GABRB1: variants seen among roughly 807,000 people sequenced by gnomAD.
GABRB1 encodes the protein gamma-aminobutyric acid receptor subunit beta-1.
A neutral mutation model predicts 51.6 loss-of-function variants in GABRB1; 17 were observed. The observed-to-expected ratio is 0.33, with a 90% CI of 0.23 to 0.49. The LOEUF is 0.49. Ranked by LOEUF, GABRB1 falls within the 20% of genes least tolerant of loss-of-function variation. The probability of loss-of-function intolerance (pLI) is 0.99; values close to 1 mark genes in which losing one functional copy is unlikely to be tolerated. For synonymous variants in GABRB1, 247 were observed against 218.9 expected, an observed-to-expected ratio of 1.13 and a Z score of -1.14; for missense variants, 410 against 600.6, an observed-to-expected ratio of 0.68 and a Z score of 3.32.
chr4:47,176,112 C>A (rs531648177), intron 4 of GABRB1, among the ~76,000 whole-genome samples: 2 of 151,936 alleles, frequency 1.3e-5, no homozygotes, highest in Non-Finnish European at 2.9e-5. Flanking sequence ...TTCTTTTGTG[C>A]CTCTTCAATA....
intron 4 of GABRB1, among the ~76,000 whole-genome samples, chr4:47,260,285 G>T (rs962547885): frequency 2.6e-5 from 4 of 151,988 alleles, no homozygotes; most frequent in African/African-American, 7.2e-5. Flanking sequence ...TATCCAATTT[G>T]CCAGTCTGTG....
chr4:47,034,736 G>T (rs1262056771), intron 3 of GABRB1, among the ~76,000 whole-genome samples: 1 of 152,004 alleles, frequency 6.6e-6, no homozygotes, highest in African/African-American at 2.4e-5. Flanking sequence ...CAAGAAAAAT[G>T]GAAATAAAGA....
At chr4:47,425,468 G>A (rs1204328996) in intron 8 of GABRB1, among the ~76,000 whole-genome samples, 1 of 132,264 alleles carries the variant, frequency 7.6e-6, no homozygotes, top group Non-Finnish European at 1.6e-5. Context: ...TAGCAAGGTG[G>A]ATGGATGATG....
upstream of GABRB1, among the ~76,000 whole-genome samples, chr4:47,028,692 T>C (rs941742403): frequency 6.6e-6 from 1 of 151,040 alleles, no homozygotes; most frequent in Admixed American, 6.6e-5. Flanking sequence ...AAGTGTGGTA[T>C]CCTTCTTATT....
Position 47,257,695 on chromosome 4 carries a change from GA to G in GABRB1, c.462-62420del, listed in dbSNP as rs537256095. On this transcript the variant is annotated intron_variant, in intron 4 of 8. Transcript: ENST00000295454. Reference sequence around the variant, plus strand: ...CAAATCAAGGAAAGCTAAGAGTCAGGAAAAAAAAAAAACTAGTGAAAAATCC... The same window carrying G: ...CAAATCAAGGAAAGCTAAGAGTCAGGAAAAAAAAAAACTAGTGAAAAATCC... Among the ~76,000 whole-genome samples, 804 of 140,960 alleles carry G rather than the reference GA, an allele frequency of 5.7e-3. 4 individuals are homozygous for G. Among genetic ancestry groups the G allele is most frequent in the Middle Eastern group, 7.4e-3 (2 of 270 alleles). The allele number at this position is 140,960 out of a possible 152,430, so 92.5% of individuals were successfully genotyped here.
At chr4:47,037,785 C>T (rs1485473917) in intron 3 of GABRB1, among the ~76,000 whole-genome samples, 1 of 152,110 alleles carries the variant, frequency 6.6e-6, no homozygotes, top group South Asian at 2.1e-4. Flanking sequence ...TAATGCTATA[C>T]AATTCTTACC....
At chr4:47,294,345 T>G (rs995981952) in intron 4 of GABRB1, among the ~76,000 whole-genome samples, 1 of 152,166 alleles carries the variant, frequency 6.6e-6, no homozygotes, top group African/African-American at 2.4e-5. Flanking sequence ...GGAGTTCCCT[T>G]TCCTAGTCAA....
chr4:47,093,471 T>C (rs914197840), intron 3 of GABRB1, among the ~76,000 whole-genome samples: 1 of 152,186 alleles, frequency 6.6e-6, no homozygotes, highest in African/African-American at 2.4e-5. Flanking sequence ...AACAAAACCA[T>C]AAGCTTGTCC....
chr4:47,114,310 GT>G (rs1401501235), intron 3 of GABRB1, among the ~76,000 whole-genome samples: 1 of 152,146 alleles, frequency 6.6e-6, no homozygotes, highest in African/African-American at 2.4e-5. Flanking sequence ...GGCTCAGAAG[GT>G]TCTGGATTCT....
intron 4 of GABRB1, among the ~76,000 whole-genome samples, chr4:47,179,650 T>C (rs1342138907): frequency 2.0e-5 from 3 of 152,080 alleles, no homozygotes; most frequent in Non-Finnish European, 4.4e-5. Context: ...TATAGTATGT[T>C]TTAAGGAAAG....
chr4:47,256,459 G>T (rs571978692), intron 4 of GABRB1, among the ~76,000 whole-genome samples: 22 of 152,228 alleles, frequency 1.4e-4, no homozygotes, highest in African/African-American at 5.3e-4. Flanking sequence ...TCCCTGTTTT[G>T]TACAAGGAAC....
intron 4 of GABRB1, among the ~76,000 whole-genome samples, chr4:47,262,014 C>T (rs1364070191): frequency 3.3e-5 from 5 of 151,442 alleles, no homozygotes; most frequent in African/African-American, 1.2e-4. Context: ...AACTGGATCC[C>T]TTCCTTACAC....
intron 5 of GABRB1, among the ~76,000 whole-genome samples, chr4:47,399,254 CTT>C (rs1728299087): frequency 6.6e-6 from 1 of 152,074 alleles, no homozygotes. Flanking sequence ...TAATGTTAAA[CTT>C]AGAATAAACC....
intron 3 of GABRB1, among the ~76,000 whole-genome samples, chr4:47,093,390 AT>A (rs1714217239): frequency 6.6e-6 from 1 of 152,202 alleles, no homozygotes; most frequent in Non-Finnish European, 1.5e-5. Context: ...TTCAGATTAT[AT>A]CTTAATCTAT....
At chr4:47,337,034 CAT>C (rs1725725327) in intron 5 of GABRB1, among the ~76,000 whole-genome samples, 1 of 152,020 alleles carries the variant, frequency 6.6e-6, no homozygotes, top group South Asian at 2.1e-4. Context: ...AGAAGCCAAA[CAT>C]AGAAAAAGGA....
At chr4:47,413,404 T>C (rs1728821518) in intron 8 of GABRB1, among the ~76,000 whole-genome samples, 1 of 152,200 alleles carries the variant, frequency 6.6e-6, no homozygotes, top group Admixed American at 6.5e-5. Context: ...AGACAGATAA[T>C]ATGTCAATAA....
At chr4:47,257,613 A>G (rs906702641) in intron 4 of GABRB1, among the ~76,000 whole-genome samples, 5 of 151,652 alleles carry the variant, frequency 3.3e-5, no homozygotes, top group African/African-American at 4.8e-5. Flanking sequence ...TCTCTACTTT[A>G]TTTTGGAACT....
At chr4:47,305,420 T>A (rs1724429517) in intron 4 of GABRB1, among the ~76,000 whole-genome samples, 1 of 152,108 alleles carries the variant, frequency 6.6e-6, no homozygotes, top group South Asian at 2.1e-4. Context: ...GATATCACAC[T>A]GGTTGTCTTC....
intron 4 of GABRB1, among the ~76,000 whole-genome samples, chr4:47,209,578 G>C (rs745349407): frequency 6.6e-6 from 1 of 151,958 alleles, no homozygotes; most frequent in Non-Finnish European, 1.5e-5. Flanking sequence ...AATTTTTAGT[G>C]TATTTATCAG....
Sources: allele counts gnomAD v4.1 joint callset (sites outside exome capture counted in the v4.1 genomes callset), GRCh38; gene constraint gnomAD v4.1.1; transcripts MANE v1.5; gene names NCBI Gene and HGNC (gene_info 2026-07-23, HGNC 2026-07-21).